The following CACNA2D2 variants were observed in gnomAD, a reference collection of about 807,000 sequenced individuals.
CACNA2D2 encodes the protein calcium voltage-gated channel auxiliary subunit alpha2delta 2, also known as voltage-dependent calcium channel subunit alpha-2/delta-2.
Under a neutral mutation model 166.4 loss-of-function variants are expected in CACNA2D2, and 48 were observed. The observed-to-expected ratio is 0.29, with a 90% CI of 0.23 to 0.37. The LOEUF is 0.37. Ranked by LOEUF, CACNA2D2 falls within the 10% of genes least tolerant of loss-of-function variation. CACNA2D2 has a pLI of 1.00. For missense variants in CACNA2D2, 1,122 were observed against 1,433.0 expected, an observed-to-expected ratio of 0.78 and a Z score of 3.50; for synonymous variants, 561 against 573.7, an observed-to-expected ratio of 0.98 and a Z score of 0.32.
At chr3:50,488,033 A>AGGATGCATG (rs894787528) in intron 1 of CACNA2D2, among the ~76,000 whole-genome samples, 60 of 152,304 alleles carry the variant, frequency 3.9e-4, no homozygotes, top group Non-Finnish European at 5.3e-4. Context: ...CCTTGGGGAC[A>AGGATGCATG]GGATGCATGG....
chr3:50,451,133 GT>G (rs989856933), intron 2 of CACNA2D2, among the ~76,000 whole-genome samples: 14 of 150,940 alleles, frequency 9.3e-5, no homozygotes, highest in Non-Finnish European at 1.5e-4. Flanking sequence ...ACCAGGGGCT[GT>G]TTTTTTTTGA....
At position 50,378,095 on chromosome 3, in the gene CACNA2D2, T is replaced by G; in HGVS notation, c.1392A>C (p.Glu464Asp). The G allele has an allele frequency of 2.5e-6, 4 of 1,610,970 alleles. No homozygotes were observed. The highest frequency in any genetic ancestry group is 1.3e-5 in the African/African-American group (1 of 74,994). Residue 464 changes from glutamate to aspartate, a missense_variant and splice_region_variant, in exon 15 of 38, where the codon GAA (glutamate) becomes GAC (aspartate). Physicochemically the swap from Glu to Asp is conservative, Grantham distance 45. Transcript: ENST00000424201. ...SIGAIRINTQEYLDVLGRPMV... is the reference protein window; with the variant it reads ...SIGAIRINTQDYLDVLGRPMV... ...TGGGCCTGCCCAACACATCTAGATATTCCTGGGGAGGGGGCAGTGGTGGGG... is the reference window on the plus strand; with the variant it reads ...TGGGCCTGCCCAACACATCTAGATAGTCCTGGGGAGGGGGCAGTGGTGGGG...
chr3:50,406,538 T>A (rs1706720455), intron 3 of CACNA2D2, among the ~76,000 whole-genome samples: 1 of 151,258 alleles, frequency 6.6e-6, no homozygotes, highest in Admixed American at 6.6e-5. Flanking sequence ...TCACTGTTGT[T>A]CCCCCCACTT....
chr3:50,490,158 C>T (rs1325013737), intron 1 of CACNA2D2, among the ~76,000 whole-genome samples: 1 of 151,980 alleles, frequency 6.6e-6, no homozygotes, highest in African/African-American at 2.4e-5. Flanking sequence ...GGGCAGACGG[C>T]TGGGAAGCCA....
intron 3 of CACNA2D2, among the ~76,000 whole-genome samples, chr3:50,406,437 GC>G (rs1214747969): frequency 2.0e-5 from 3 of 151,566 alleles, no homozygotes; most frequent in African/African-American, 4.8e-5. Flanking sequence ...TCCACAGGGA[GC>G]CCCCCATCAG....
Position 50,375,113 on chromosome 3 carries a change from T to C in CACNA2D2, c.1908-300A>G, listed in dbSNP as rs914740296. On this transcript the variant is annotated intron_variant, in intron 21 of 37. Transcript: ENST00000424201. The surrounding 1 kb of genome is among the most constrained non-coding windows in gnomAD (Gnocchi z 4.0). ...GCCCCCTGCCCAGCCAACCTCCCTC[T>C]GACCCACAAGGGGCAGACGCTGCCG... is the stretch of plus-strand genomic sequence containing the variant. 6.6e-6 allele frequency among the ~76,000 whole-genome samples: 1 copy of C among 152,194 alleles called. No homozygotes were observed. Among genetic ancestry groups the C allele is most frequent in the African/African-American group, 2.4e-5 (1 of 41,450 alleles).
At chr3:50,368,917 C>A (rs1322151682) in intron 23 of CACNA2D2, among the ~76,000 whole-genome samples, 4 of 152,222 alleles carry the variant, frequency 2.6e-5, no homozygotes. Flanking sequence ...AATCCCTCTA[C>A]CCTGATAGGT....
chr3:50,363,543 G>A lies in CACNA2D2; in HGVS notation c.*1123C>T, dbSNP rs1704043672. On this transcript the variant is annotated 3_prime_UTR_variant, in exon 38 of 38. Transcript: ENST00000424201. ...CCTGCAAGCAGGGAGTGTGTGTGTA[G>A]GGGTGGGAAGGAGATAGGGAGTGGG... 2.9e-6 allele frequency: 1 copy of A among 344,984 alleles called. No individual in the cohort carries two copies. Among genetic ancestry groups the A allele is most frequent in the African/African-American group, 2.1e-5 (1 of 47,502 alleles). The allele number at this position is 344,984 out of a possible 1,614,324, so 21.4% of individuals were successfully genotyped here.
At chr3:50,473,453 AC>A (rs1710183199) in intron 2 of CACNA2D2, among the ~76,000 whole-genome samples, 1 of 152,176 alleles carries the variant, frequency 6.6e-6, no homozygotes, top group Non-Finnish European at 1.5e-5. Context: ...ATGCCAGATC[AC>A]CCCAGCTGTT....
Position 50,367,717 on chromosome 3 carries a change from G to A in CACNA2D2, c.2235-13C>T, listed in dbSNP as rs1401341301. ...CAGTAGGCTGTACCTGGGGGTAGCA[G>A]GGGGGTGGGGTCACAGGCCTGCCTT... is the stretch of plus-strand genomic sequence containing the variant. On this transcript the variant is annotated splice_polypyrimidine_tract_variant and intron_variant, in intron 25 of 37. Transcript: ENST00000424201. This position sits in a 1 kb window ranked among gnomAD's most constrained non-coding sequence, Gnocchi z 6.5. 17 of 1,611,430 alleles carry A rather than the reference G, an allele frequency of 1.1e-5. No individual in the cohort carries two copies. Among genetic ancestry groups the A allele is most frequent in the Non-Finnish European group, 1.3e-5 (15 of 1,178,406 alleles).
intron 3 of CACNA2D2, among the ~76,000 whole-genome samples, chr3:50,408,787 C>T (rs1392911739): frequency 2.0e-5 from 3 of 152,224 alleles, no homozygotes; most frequent in African/African-American, 4.8e-5. Context: ...AGCCACTCCA[C>T]GACAGGTAGG....
At chr3:50,372,964 A>G (rs1704739462) in intron 22 of CACNA2D2, 1 of 825,596 alleles carries the variant, frequency 1.2e-6, no homozygotes, top group African/African-American at 2.0e-5. Context: ...GGCCCTGGAG[A>G]GCAGGGGTTT....
chr3:50,488,178 G>GTGA, intron 1 of CACNA2D2, among the ~76,000 whole-genome samples: 1 of 152,204 alleles, frequency 6.6e-6, no homozygotes, highest in Non-Finnish European at 1.5e-5. Context: ...TCCACACACA[G>GTGA]TGATGCCCCG....
In CACNA2D2 at chr3:50,364,751, A is replaced by G; in HGVS notation, c.3347T>C (p.Leu1116Pro). 1.3e-6 allele frequency: 2 copies of G among 1,570,232 alleles called. No homozygotes were observed. The highest frequency in any genetic ancestry group is 2.4e-5 in the East Asian group (1 of 41,722). The change falls in exon 38 of 38, where the codon CTG (leucine) becomes CCG (proline). Residue 1116 changes from leucine to proline, a missense_variant. Physicochemically the swap from Leu to Pro is moderately conservative, Grantham distance 98. Coordinates refer to ENST00000424201, the MANE Select transcript of CACNA2D2 (RefSeq NM_006030.4). ...GAGGAGCAGCAGTTGCAGGGAGACC[A>G]GGACGCCCAGCGACGGCGGGAAGGA... ...GASFPPSLGV[L>P]VSLQLLLLLG...
chr3:50,489,590 C>T (rs1210825931), intron 1 of CACNA2D2, among the ~76,000 whole-genome samples: 1 of 127,188 alleles, frequency 7.9e-6, no homozygotes, highest in Non-Finnish European at 1.6e-5. Context: ...AGAAAGACAG[C>T]GGTGGGGCTG....
intron 4 of CACNA2D2, among the ~76,000 whole-genome samples, chr3:50,390,409 G>A (rs938147060): frequency 6.6e-6 from 1 of 152,148 alleles, no homozygotes; most frequent in Non-Finnish European, 1.5e-5. Flanking sequence ...GGTATGAAGA[G>A]AACAGGGAGC....
intron 2 of CACNA2D2, among the ~76,000 whole-genome samples, chr3:50,475,175 G>A (rs536740806): frequency 5.3e-5 from 8 of 152,202 alleles, no homozygotes; most frequent in East Asian, 1.9e-4. Flanking sequence ...CAACCCCTAC[G>A]GTCCCTGCCC....
At chr3:50,445,205 T>A (rs1263182779) in intron 2 of CACNA2D2, among the ~76,000 whole-genome samples, 1 of 152,176 alleles carries the variant, frequency 6.6e-6, no homozygotes, top group Non-Finnish European at 1.5e-5. Flanking sequence ...TAAATCCTGC[T>A]GAACACACCA....
At position 50,362,902 on chromosome 3, in the gene CACNA2D2, T is replaced by C; in HGVS notation, c.*1764A>G. The C allele has an allele frequency of 2.6e-6, 1 of 391,506 alleles. No individual in the cohort carries two copies. The highest frequency in any genetic ancestry group is 4.5e-6 in the Non-Finnish European group (1 of 222,154). The allele number at this position is 391,506 out of a possible 1,614,324, so 24.3% of individuals were successfully genotyped here. A position where few individuals can be genotyped will look rare whatever the true frequency, so the allele number is the denominator to read the frequency against. ...CACACACGATATTTTACAAAGTTTC[T>C]TGACTTTTTTGTCGCTGTTGTTTTT... On this transcript the variant is annotated 3_prime_UTR_variant, in exon 38 of 38. Coordinates refer to ENST00000424201, the MANE Select transcript of CACNA2D2 (RefSeq NM_006030.4).
Sources: gnomAD v4.1 joint callset for allele counts (sites outside exome capture counted in the v4.1 genomes callset) on GRCh38, gnomAD v4.1.1 for gene constraint, Gnocchi (gnomAD v3.1) non-coding constraint, MANE v1.5 for transcripts, NCBI Gene and HGNC (gene_info 2026-07-23, HGNC 2026-07-21) for gene names.